Variants in PDE1C observed in about 807,000 individuals in gnomAD.
PDE1C encodes the protein dual specificity calcium/calmodulin-dependent 3',5'-cyclic nucleotide phosphodiesterase 1C.
A neutral mutation model predicts 93.1 loss-of-function variants in PDE1C; 62 were observed. The ratio of observed to expected loss-of-function variants is 0.67; its 90% confidence interval spans 0.54 to 0.82. PDE1C has a LOEUF of 0.82. Ranked by LOEUF, PDE1C falls within the 40% of genes least tolerant of loss-of-function variation. The probability of loss-of-function intolerance (pLI) is 0.00; values close to 1 mark genes in which losing one functional copy is unlikely to be tolerated. For synonymous variants in PDE1C, 325 were observed against 310.1 expected, an observed-to-expected ratio of 1.05 and a Z score of -0.50; for missense variants, 742 against 884.6, an observed-to-expected ratio of 0.84 and a Z score of 2.04.
intron 17 of PDE1C, among the ~76,000 whole-genome samples, chr7:31,774,259 C>T (rs1346899598): frequency 6.6e-6 from 1 of 151,972 alleles, no homozygotes; most frequent in Non-Finnish European, 1.5e-5. Flanking sequence ...TATGGTAATT[C>T]CCCAAAGAAG....
rs144253138 is a variant in PDE1C at position 32,061,303 on chromosome 7, G to T, written c.101+8990C>A. ...ACCGGGTCCTTGCAATGGGTCCTTG[G>T]ATTTGGGTAGAAATAGAAGGAAGGC... On this transcript the variant is annotated intron_variant, in intron 1 of 17. Transcript: ENST00000396191. 4.3e-4 allele frequency among the ~76,000 whole-genome samples: 65 copies of T among 152,336 alleles called. 3 individuals are homozygous for T. In the East Asian group the frequency reaches 0.011, roughly 26 times the overall value.
chr7:31,967,330 A>C (rs911984492), intron 2 of PDE1C, among the ~76,000 whole-genome samples: 1 of 152,210 alleles, frequency 6.6e-6, no homozygotes, highest in Non-Finnish European at 1.5e-5. Context: ...TACCATAAAC[A>C]CCTCTACACA....
rs528649757 is a variant in PDE1C, at chr7:32,350,107, T to C, written c.310+77715A>G. Among the ~76,000 whole-genome samples the C allele has an allele frequency of 4.7e-5, 7 of 148,908 alleles. No individual in the cohort carries two copies. The South Asian group carries it at 6.8e-4, about 15-fold the overall frequency. ...TGTTGTTGTTGTTCTTCTTCTTCCTTCTTCTTTTTCTTCCTTCTTCTTTTT... is the reference window on the plus strand; with the variant it reads ...TGTTGTTGTTGTTCTTCTTCTTCCTCCTTCTTTTTCTTCCTTCTTCTTTTT... On this transcript the variant is annotated intron_variant, in intron 1 of 1. Coordinates refer to the PDE1C transcript ENST00000672256.
At chr7:32,203,099 G>T (rs1193026035) in intron 2 of PDE1C, among the ~76,000 whole-genome samples, 1 of 151,752 alleles carries the variant, frequency 6.6e-6, no homozygotes, top group African/African-American at 2.4e-5. Flanking sequence ...GATCTCATCT[G>T]TCCTGGATCC....
chr7:31,961,682 C>G (rs915591698), intron 2 of PDE1C, among the ~76,000 whole-genome samples: 8 of 152,148 alleles, frequency 5.3e-5, no homozygotes. Flanking sequence ...CCCCTTCCCC[C>G]ACACACTTAG....
chr7:31,692,643 T>C, the PDE1C span: 1 of 877,854 alleles, frequency 1.1e-6, no homozygotes, highest in Non-Finnish European at 1.8e-6. Context: ...GTCTGTGCCT[T>C]CTGGTGACAG....
At chr7:31,754,284 T>C (rs964990227) in intron 17 of PDE1C, among the ~76,000 whole-genome samples, 8 of 152,196 alleles carry the variant, frequency 5.3e-5, no homozygotes, top group Non-Finnish European at 1.0e-4. Context: ...TTCTTGCTGA[T>C]TGGAATGCAA....
chr7:31,659,858 C>T, the PDE1C span, among the ~76,000 whole-genome samples: 1 of 152,172 alleles, frequency 6.6e-6, no homozygotes, highest in South Asian at 2.1e-4. Context: ...AATAACAGTA[C>T]CTAGCTGATA....
intron 2 of PDE1C, among the ~76,000 whole-genome samples, chr7:32,198,858 CTA>C (rs1423333279): frequency 6.6e-6 from 1 of 152,116 alleles, no homozygotes; most frequent in Non-Finnish European, 1.5e-5. Context: ...TGGTTCATGC[CTA>C]TAACCCAGCA....
At chr7:31,920,575 TAAGA>T (rs953220558) in intron 2 of PDE1C, among the ~76,000 whole-genome samples, 23 of 152,240 alleles carry the variant, frequency 1.5e-4, no homozygotes, top group African/African-American at 5.5e-4. Context: ...CCATTTTTAT[TAAGA>T]AATATTTTAC....
chr7:31,899,844 A>AG (rs1055298331), intron 2 of PDE1C, among the ~76,000 whole-genome samples: 2 of 152,158 alleles, frequency 1.3e-5, no homozygotes, highest in African/African-American at 4.8e-5. Flanking sequence ...GTGATTCTCA[A>AG]GGGGGGTTGC....
intron 11 of PDE1C, among the ~76,000 whole-genome samples, chr7:31,835,574 GAC>G (rs1790987745): frequency 1.3e-5 from 2 of 151,696 alleles, no homozygotes; most frequent in African/African-American, 2.4e-5. Context: ...GTGCACCATA[GAC>G]AGAGTGAAGG....
rs551013887 is a variant in PDE1C at position 31,919,896 on chromosome 7, G to GT, written c.129-39037dup. Among the ~76,000 whole-genome samples the GT allele has an allele frequency of 8.5e-4, 129 of 152,266 alleles. No individual in the cohort carries two copies. In the South Asian group the frequency reaches 0.026, roughly 31 times the overall value. ...CCTCCACTTGGCAGGTGTAGGTTGC[G>GT]TTTTCTGGCTCCTCTGAGCAGCCTC... On this transcript the variant is annotated intron_variant, in intron 2 of 17. Transcript: ENST00000396191.
intron 2 of PDE1C, among the ~76,000 whole-genome samples, chr7:32,183,330 C>A (rs890094506): frequency 6.6e-6 from 1 of 152,134 alleles, no homozygotes; most frequent in African/African-American, 2.4e-5. Flanking sequence ...CAAAAAAGAG[C>A]CCGCATTGCC....
chr7:32,110,693 G>A (rs1231687716), intron 3 of PDE1C, among the ~76,000 whole-genome samples: 1 of 152,150 alleles, frequency 6.6e-6, no homozygotes, highest in Non-Finnish European at 1.5e-5. Flanking sequence ...AGTAACAACT[G>A]AGCTTATTGG....
chr7:32,312,310 C>T (rs1183800650), intron 1 of PDE1C, among the ~76,000 whole-genome samples: 1 of 151,456 alleles, frequency 6.6e-6, no homozygotes, highest in Admixed American at 6.6e-5. Flanking sequence ...GAATCAATAT[C>T]GTGAAAATGG....
chr7:31,690,978 A>G, the PDE1C span, among the ~76,000 whole-genome samples: 11 of 152,326 alleles, frequency 7.2e-5, 1 homozygote, highest in Admixed American at 5.9e-4. Context: ...GCATAAGACC[A>G]TATCTGATGC....
At chr7:31,675,244 T>C in the PDE1C span, among the ~76,000 whole-genome samples, 2 of 152,158 alleles carry the variant, frequency 1.3e-5, no homozygotes, top group Non-Finnish European at 2.9e-5. Context: ...GAATTCAAGG[T>C]ACATCCTTGA....
chr7:31,691,797 T>TAAAAAAAA, the PDE1C span, among the ~76,000 whole-genome samples: 8 of 86,538 alleles, frequency 9.2e-5, no homozygotes, highest in African/African-American at 1.8e-4. Flanking sequence ...ATGTAATGAT[T>TAAAAAAAA]AAAAAAAAAA....
Sources: allele counts gnomAD v4.1 joint callset (sites outside exome capture counted in the v4.1 genomes callset), GRCh38; gene constraint gnomAD v4.1.1; transcripts MANE v1.5; gene names NCBI Gene and HGNC (gene_info 2026-07-23, HGNC 2026-07-21).